The following SLIT3 variants were observed in gnomAD, a reference collection of about 807,000 sequenced individuals.
The protein encoded by SLIT3 is slit guidance ligand 3.
Under a neutral mutation model 184.0 loss-of-function variants are expected in SLIT3, and 68 were observed. The ratio of observed to expected loss-of-function variants is 0.37; its 90% CI spans 0.30 to 0.45. SLIT3 has a LOEUF of 0.45. Among genes scored for constraint, SLIT3 ranks in the 20% least tolerant of loss-of-function variants. SLIT3 has a pLI of 1.00. For missense variants in SLIT3, 1,707 were observed against 2,026.0 expected (o/e 0.84, Z 3.02); for synonymous variants, 831 against 828.6 (o/e 1.00, Z -0.05).
intron 4 of SLIT3, among the ~76,000 whole-genome samples, chr5:169,115,068 G>T (rs1442000359): frequency 1.3e-5 from 2 of 152,162 alleles, no homozygotes; most frequent in Admixed American, 1.3e-4. Context: ...GTTTGCAGGG[G>T]TCTCATGAGC....
chr5:168,916,141 C>G (rs149090413), intron 4 of SLIT3, among the ~76,000 whole-genome samples: 59 of 152,280 alleles, frequency 3.9e-4, no homozygotes, highest in Non-Finnish European at 6.6e-4. Context: ...ACACAAATAG[C>G]AAAATATTTA....
At chr5:169,089,486 C>T (rs1759485730) in intron 4 of SLIT3, among the ~76,000 whole-genome samples, 1 of 152,216 alleles carries the variant, frequency 6.6e-6, no homozygotes, top group African/African-American at 2.4e-5. Flanking sequence ...AGCTATTAGC[C>T]TAGAATACAT....
chr5:168,938,524 T>TA (rs1262090611), intron 4 of SLIT3, among the ~76,000 whole-genome samples: 9 of 152,234 alleles, frequency 5.9e-5, no homozygotes, highest in Admixed American at 5.9e-4. Context: ...CAAATACTGA[T>TA]ACATGGGTAT....
At position 169,211,811 on chromosome 5, in the gene SLIT3, C is replaced by T. The variant is rs549424234; in HGVS notation, c.342-18261G>A. On this transcript the variant is annotated intron_variant, in intron 3 of 35. Coordinates refer to ENST00000519560, the MANE Select transcript of SLIT3 (RefSeq NM_003062.4). ...CCTAGCCCCCCGTCCCCAGACGGCC[C>T]GTGTGTGATGTTCCCCTCCCTGTGT... Among the ~76,000 whole-genome samples the T allele has an allele frequency of 1.4e-4, 21 of 152,154 alleles. No homozygotes were observed. The South Asian group carries it at 4.4e-3, about 32-fold the overall frequency.
chr5:169,176,630 A>C (rs1375539382), intron 4 of SLIT3, among the ~76,000 whole-genome samples: 1 of 152,208 alleles, frequency 6.6e-6, no homozygotes, highest in Non-Finnish European at 1.5e-5. Context: ...TAAGGATCAG[A>C]GATCAGTAAC....
intron 5 of SLIT3, among the ~76,000 whole-genome samples, chr5:168,880,197 C>T (rs1354159867): frequency 1.3e-5 from 2 of 152,176 alleles, no homozygotes; most frequent in Non-Finnish European, 2.9e-5. Context: ...ATCTCCTGCC[C>T]CGACCTTTCC....
chr5:168,846,585 C>G (rs2113718477), intron 5 of SLIT3, among the ~76,000 whole-genome samples: 1 of 152,026 alleles, frequency 6.6e-6, no homozygotes, highest in African/African-American at 2.4e-5. Context: ...GTGGAGTTGG[C>G]TTTTGGCTTC....
chr5:168,803,205 C>A (rs899393207), intron 9 of SLIT3, among the ~76,000 whole-genome samples: 1 of 152,180 alleles, frequency 6.6e-6, no homozygotes, highest in Non-Finnish European at 1.5e-5. Flanking sequence ...ACAGAGACTA[C>A]TCTGTCTTCA....
intron 28 of SLIT3, 136 bp downstream of exon 28, chr5:168,696,156 C>G (rs1762058010): frequency 1.8e-6 from 2 of 1,103,754 alleles, no homozygotes; most frequent in Non-Finnish European, 1.3e-6. Context: ...GGGAGCCCCT[C>G]TTGGCATATC....
intron 4 of SLIT3, among the ~76,000 whole-genome samples, chr5:169,125,387 C>T (rs1269928966): frequency 1.3e-5 from 2 of 152,196 alleles, no homozygotes; most frequent in Non-Finnish European, 2.9e-5. Context: ...CACCTGCATG[C>T]CATGGAAAGC....
chr5:169,108,217 C>G (rs1312429855), intron 4 of SLIT3, among the ~76,000 whole-genome samples: 1 of 152,160 alleles, frequency 6.6e-6, no homozygotes, highest in Non-Finnish European at 1.5e-5. Flanking sequence ...AGGCAAGGAC[C>G]AATTATTTTC....
At chr5:169,243,822 G>C (rs1044895656) in intron 3 of SLIT3, among the ~76,000 whole-genome samples, 15 of 152,204 alleles carry the variant, frequency 9.9e-5, no homozygotes, top group East Asian at 3.9e-4. Context: ...AGAAGAAAGA[G>C]GCTGAAATGT....
chr5:169,217,130 TAA>T (rs55757348), intron 3 of SLIT3, among the ~76,000 whole-genome samples: 4,572 of 126,898 alleles, frequency 0.036, 123 homozygotes, highest in East Asian at 0.077. Flanking sequence ...TTGAGTAGGT[TAA>T]AAAAAAAAAA....
chr5:169,227,750 A>G lies in SLIT3; in HGVS notation c.341+16955T>C, dbSNP rs184095985. 1.0e-3 allele frequency among the ~76,000 whole-genome samples: 157 copies of G among 152,282 alleles called. 1 individual carries two copies. The highest frequency in any genetic ancestry group is 3.6e-3 in the African/African-American group (149 of 41,558). On this transcript the variant is annotated intron_variant, in intron 3 of 35. Transcript: ENST00000519560. ...CCTTTCTCATTATTTTTAATGGCAAAAGCTGCAATTACCTTTGCACTAACC... is the reference window on the plus strand; with the variant it reads ...CCTTTCTCATTATTTTTAATGGCAAGAGCTGCAATTACCTTTGCACTAACC...
rs76437922 is a variant in SLIT3, at chr5:169,275,566, C to G, written c.198-24107G>C. 3.0e-4 allele frequency among the ~76,000 whole-genome samples: 46 copies of G among 152,294 alleles called. No individual in the cohort carries two copies. The East Asian group carries it at 8.9e-3, about 29-fold the overall frequency. On this transcript the variant is annotated intron_variant, in intron 1 of 35. Transcript: ENST00000519560. Reference sequence around the variant, plus strand: ...GGGAAGAAAAGGAGGTTTAATTGGACTTCCACACGGTAGGGGCAGTCTCAT... The same window carrying G: ...GGGAAGAAAAGGAGGTTTAATTGGAGTTCCACACGGTAGGGGCAGTCTCAT...
intron 23 of SLIT3, among the ~76,000 whole-genome samples, chr5:168,713,418 C>A (rs186391271): frequency 5.9e-5 from 9 of 152,314 alleles, no homozygotes; most frequent in Non-Finnish European, 1.0e-4. Context: ...AGCAAATCCA[C>A]AACGCATGGA....
At chr5:168,862,682 T>C (rs1455623088) in intron 5 of SLIT3, among the ~76,000 whole-genome samples, 1 of 146,510 alleles carries the variant, frequency 6.8e-6, no homozygotes, top group African/African-American at 2.7e-5. Flanking sequence ...TTTGTTGTTT[T>C]TTTTTTTGTG....
intron 12 of SLIT3, among the ~76,000 whole-genome samples, chr5:168,781,849 C>T (rs1348831270): frequency 6.6e-6 from 1 of 152,166 alleles, no homozygotes; most frequent in African/African-American, 2.4e-5. Context: ...AGGTTCCAAT[C>T]CTGGCTCCAT....
chr5:168,770,228 A>C (rs1755500337), intron 14 of SLIT3, among the ~76,000 whole-genome samples: 1 of 152,204 alleles, frequency 6.6e-6, no homozygotes, highest in Non-Finnish European at 1.5e-5. Context: ...CGGCGGATGC[A>C]GCTGATAGAG....
Sources: gnomAD v4.1 joint callset for allele counts (sites outside exome capture counted in the v4.1 genomes callset) on GRCh38, gnomAD v4.1.1 for gene constraint, MANE v1.5 for transcripts, NCBI Gene and HGNC (gene_info 2026-07-23, HGNC 2026-07-21) for gene names.